TXLNG: variants seen among roughly 807,000 people sequenced by gnomAD.
TXLNG encodes gamma-taxilin.
A neutral mutation model predicts 38.8 loss-of-function variants in TXLNG; 5 were observed. The observed-to-expected ratio is 0.13, with a 90% confidence interval of 0.07 to 0.27. TXLNG has a LOEUF of 0.27. Ranked by LOEUF, TXLNG falls within the 10% of genes least tolerant of loss-of-function variation. The pLI is 1.00. For synonymous variants in TXLNG, 182 were observed against 158.2 expected (o/e 1.15, Z -1.13); for missense variants, 393 against 398.2 (o/e 0.99, Z 0.11).
chrX:16,823,044 C>G (rs1256227415), intron 3 of TXLNG, among the ~76,000 whole-genome samples: 1 of 111,788 alleles, frequency 8.9e-6, no homozygotes, highest in Non-Finnish European at 1.9e-5. Context: ...CAGGATGTGA[C>G]ACATTGAAGA....
intron 1 of TXLNG, among the ~76,000 whole-genome samples, chrX:16,811,418 G>A (rs970843264): frequency 1.8e-5 from 2 of 110,522 alleles, no homozygotes; most frequent in Admixed American, 9.7e-5. Context: ...GTGTAATGGC[G>A]CGATCTCAGC....
Position 16,829,620 on chromosome X carries a change from A to G in TXLNG, c.714A>G (p.Lys238=). 2 of 1,210,231 alleles carry G rather than the reference A, an allele frequency of 1.7e-6. No individual in the cohort carries two copies. The highest frequency in any genetic ancestry group is 4.4e-5 in the Admixed American group (2 of 45,693). Residue 238 remains lysine (K), a synonymous_variant, in exon 5 of 10, where the codon AAA becomes AAG. Coordinates refer to ENST00000380122, the MANE Select transcript of TXLNG (RefSeq NM_018360.3). ...QQAREEEERR[K]EATAHFQITL... is the part of the protein sequence containing the mutation. ...CACGAGAGGAAGAAGAACGACGTAA[A>G]GAAGCAACTGCACATTTCCAGATTA...
In TXLNG at chrX:16,834,819, A is replaced by G. The variant is rs150855267; in HGVS notation, c.1059+462A>G. Among the ~76,000 whole-genome samples, 811 of 112,627 alleles carry G rather than the reference A, an allele frequency of 7.2e-3. 5 individuals carry two copies. The highest frequency in any genetic ancestry group is 0.025 in the African/African-American group (762 of 31,035). On this transcript the variant is annotated intron_variant, in intron 7 of 9. Coordinates refer to ENST00000380122, the MANE Select transcript of TXLNG (RefSeq NM_018360.3). ...ATGTCCTTGGCCTAAAAAAATGGCA[A>G]TTTCATATAGTGAACTCTAATATCT...
rs145977893 is a variant in TXLNG, at chrX:16,839,990, C to T, written c.1248+74C>T. ...CTTGAGTTCAGGTACCTATCGGGGC[C>T]GGGGACGTGTGCTGTAACACTACTA... On this transcript the variant is annotated intron_variant, in intron 9 of 9. Transcript: ENST00000380122. 3.2e-3 allele frequency: 2,603 copies of T among 802,944 alleles called. 6 individuals carry two copies. Among genetic ancestry groups the T allele is most frequent in the Non-Finnish European group, 4.2e-3 (2,395 of 566,108 alleles). 66.2% of individuals were successfully genotyped at this position (802,944 alleles called of 1,213,427 possible). A position where few individuals can be genotyped will look rare whatever the true frequency, so the allele number is the denominator to read the frequency against.
intron 1 of TXLNG, among the ~76,000 whole-genome samples, chrX:16,794,103 T>G (rs1056444296): frequency 8.9e-6 from 1 of 111,935 alleles, no homozygotes; most frequent in African/African-American, 3.2e-5. Flanking sequence ...CAGGTTGGCC[T>G]CCCTATGGCC....
chrX:16,834,174 C>A, intron 6 of TXLNG, 109 bp from the exon 7 acceptor site: 1 of 598,631 alleles, frequency 1.7e-6, no homozygotes, highest in Non-Finnish European at 2.7e-6. Context: ...CATCTGTAGA[C>A]CTGTGGTTCT....
At chrX:16,791,659 C>T (rs1412516833) in intron 1 of TXLNG, among the ~76,000 whole-genome samples, 1 of 111,903 alleles carries the variant, frequency 8.9e-6, no homozygotes, top group African/African-American at 3.2e-5. Context: ...AATCTCAGCT[C>T]ACTGCAACCT....
chrX:16,832,997 A>C (rs1295412993), intron 6 of TXLNG, among the ~76,000 whole-genome samples: 1 of 111,791 alleles, frequency 8.9e-6, no homozygotes, highest in Non-Finnish European at 1.9e-5. Flanking sequence ...GATTATACCA[A>C]ATCAGTGGGA....
chrX:16,835,990 CGAGGCGCAGTGGCTCATGCCTGT>C, intron 7 of TXLNG, among the ~76,000 whole-genome samples: 1 of 112,627 alleles, frequency 8.9e-6, no homozygotes, highest in Non-Finnish European at 1.9e-5. Context: ...ACTGTGCCTG[CGAGGCGCAGTGGCTCATGCCTGT>C]AATCCTAGCC....
At chrX:16,792,289 A>G (rs1312343168) in intron 1 of TXLNG, among the ~76,000 whole-genome samples, 1 of 111,636 alleles carries the variant, frequency 9.0e-6, no homozygotes, top group Non-Finnish European at 1.9e-5. Context: ...GTTAGTGTAT[A>G]GTTGTGTAAT....
intron 1 of TXLNG, among the ~76,000 whole-genome samples, chrX:16,792,273 G>GC (rs1280403908): frequency 9.0e-6 from 1 of 111,691 alleles, no homozygotes; most frequent in Non-Finnish European, 1.9e-5. Flanking sequence ...GGTGACGTTT[G>GC]CTAGGGTTAG....
intron 1 of TXLNG, chrX:16,803,248 A>G (rs1928180960): frequency 8.9e-6 from 1 of 111,834 alleles, no homozygotes; most frequent in Non-Finnish European, 1.9e-5. Flanking sequence ...CTCCATAACC[A>G]TTAGAGATCC....
At chrX:16,833,130 A>G (rs1479830503) in intron 6 of TXLNG, among the ~76,000 whole-genome samples, 1 of 112,385 alleles carries the variant, frequency 8.9e-6, no homozygotes, top group Non-Finnish European at 1.9e-5. Context: ...CAGTTTAACA[A>G]CAAGCTTACC....
At chrX:16,824,185 C>T (rs1307567573) in intron 3 of TXLNG, among the ~76,000 whole-genome samples, 2 of 111,386 alleles carry the variant, frequency 1.8e-5, no homozygotes, top group Non-Finnish European at 3.8e-5. Flanking sequence ...TGGGCAACGT[C>T]GCAAGACCCT....
intron 2 of TXLNG, 146 bp downstream of exon 2, chrX:16,819,023 G>C: frequency 3.8e-6 from 2 of 531,697 alleles, no homozygotes; most frequent in Non-Finnish European, 5.7e-6. Flanking sequence ...CCATGTGTCT[G>C]CTGCAGTTAT....
At position 16,839,934 on chromosome X, in the gene TXLNG, G is replaced by A. The variant is rs779472032; in HGVS notation, c.1248+18G>A. 3 of 1,143,030 alleles carry A rather than the reference G, an allele frequency of 2.6e-6. No homozygotes were observed. Among genetic ancestry groups the A allele is most frequent in the South Asian group, 2.0e-5 (1 of 50,614 alleles). 94.2% of individuals were successfully genotyped at this position (1,143,030 alleles called of 1,213,427 possible). ...CTGAAGAGGTGAGATGGTTTCCTGC[G>A]ACTAAGGTGTAGTCTTAGTCATGGG... On this transcript the variant is annotated intron_variant, in intron 9 of 9. Transcript: ENST00000380122.
Position 16,792,257 on chromosome X carries a change from A to T in TXLNG, c.102+5668A>T, listed in dbSNP as rs767127933. On this transcript the variant is annotated intron_variant, in intron 1 of 9. Transcript: ENST00000380122. The stretch of plus-strand genomic sequence containing the variant: ...CAAACTTGCTTGAATAATAGAGCCC[A>T]CAGTTGGTGACGTTTGCTAGGGTTA... Among the ~76,000 whole-genome samples, 7 of 111,875 alleles carry T rather than the reference A, an allele frequency of 6.3e-5. No individual in the cohort carries two copies. In the South Asian group the frequency reaches 2.6e-3, roughly 41 times the overall value.
At position 16,841,485 on chromosome X, in the gene TXLNG, A is replaced by C; in HGVS notation, c.1306A>C (p.Lys436Gln). The change falls in exon 10 of 10, where the codon AAG (lysine) becomes CAG (glutamine). Residue 436 changes from lysine (K) to glutamine (Q), a missense_variant. Lys to Gln is a moderately conservative substitution (Grantham distance 53). Transcript: ENST00000380122. ...ALQIKLERLE[K>Q]LCRALQTERN... ...TCAAATAAAACTGGAACGGTTAGAG[A>C]AGCTGTGCAGGGCTCTTCAGACAGA... is the stretch of plus-strand genomic sequence containing the variant. The C allele has an allele frequency of 8.3e-7, 1 of 1,211,870 alleles. No individual in the cohort carries two copies. The highest frequency in any genetic ancestry group is 1.1e-6 in the Non-Finnish European group (1 of 895,520).
chrX:16,829,874 T>A (rs1929321684), intron 5 of TXLNG, 104 bp downstream of exon 5: 1 of 768,786 alleles, frequency 1.3e-6, no homozygotes, highest in African/African-American at 2.1e-5. Context: ...GAACTTTGCA[T>A]ATGCATAGTG....
Sources: allele counts gnomAD v4.1 joint callset (sites outside exome capture counted in the v4.1 genomes callset), GRCh38; gene constraint gnomAD v4.1.1; transcripts MANE v1.5; gene names NCBI Gene and HGNC (gene_info 2026-07-23, HGNC 2026-07-21).